Variants in SBF2 observed in about 807,000 individuals in gnomAD.
The protein encoded by SBF2 is SET binding factor 2, also known as myotubularin-related protein 13.
A neutral mutation model predicts 225.2 loss-of-function variants in SBF2; 112 were observed. The observed-to-expected ratio is 0.50, with a 90% CI of 0.43 to 0.58. SBF2 has a LOEUF of 0.58. Among genes scored for constraint, SBF2 ranks in the 20% least tolerant of loss-of-function variants. The pLI is 0.00. For missense variants in SBF2, 1,996 were observed against 2,206.2 expected (o/e 0.90, Z 1.91); for synonymous variants, 763 against 773.3 (o/e 0.99, Z 0.22).
At chr11:10,042,792 T>C in intron 3 of SBF2, 52 bp downstream of exon 3, 1 of 1,595,784 alleles carries the variant, frequency 6.3e-7, no homozygotes, top group Admixed American at 1.7e-5. Context: ...ATAAAAAACA[T>C]TCCTAAATGT....
intron 1 of SBF2, among the ~76,000 whole-genome samples, chr11:10,265,851 G>A (rs1961930431): frequency 6.9e-6 from 1 of 144,046 alleles, no homozygotes; most frequent in Admixed American, 7.3e-5. Context: ...CACCAGGCCA[G>A]GCTAATTGTG....
At chr11:10,290,020 G>C (rs1054140963) in intron 1 of SBF2, among the ~76,000 whole-genome samples, 4 of 152,174 alleles carry the variant, frequency 2.6e-5, no homozygotes, top group Admixed American at 1.3e-4. Context: ...ACCACCGCCC[G>C]CACCTCTTCG....
At chr11:10,003,368 TTTTC>T (rs1948054994) in intron 6 of SBF2, among the ~76,000 whole-genome samples, 1 of 124,388 alleles carries the variant, frequency 8.0e-6, no homozygotes, top group African/African-American at 2.7e-5. Flanking sequence ...TCTTTTTCTT[TTTTC>T]TTTTTTTTTT....
chr11:10,061,931 G>GACTTC (rs1950460306), intron 2 of SBF2, among the ~76,000 whole-genome samples: 1 of 152,180 alleles, frequency 6.6e-6, no homozygotes, highest in African/African-American at 2.4e-5. Flanking sequence ...CATGTTACCT[G>GACTTC]ACTTCAAACT....
At chr11:10,193,013 C>T (rs1214351006) in intron 2 of SBF2, among the ~76,000 whole-genome samples, 1 of 152,104 alleles carries the variant, frequency 6.6e-6, no homozygotes, top group Non-Finnish European at 1.5e-5. Context: ...AAATTATGTT[C>T]AACCAATAAA....
At chr11:9,851,502 C>T (rs546444906) in intron 21 of SBF2, among the ~76,000 whole-genome samples, 2 of 152,082 alleles carry the variant, frequency 1.3e-5, no homozygotes, top group Non-Finnish European at 2.9e-5. Context: ...TTACACAACT[C>T]AGGAAATTCT....
chr11:10,114,665 G>C (rs1452118449), intron 2 of SBF2, among the ~76,000 whole-genome samples: 2 of 152,172 alleles, frequency 1.3e-5, no homozygotes, highest in Non-Finnish European at 2.9e-5. Flanking sequence ...TCTAAGTATT[G>C]TCTGACCGCT....
chr11:10,187,330 G>A (rs1165132172), intron 2 of SBF2, among the ~76,000 whole-genome samples: 4 of 148,242 alleles, frequency 2.7e-5, no homozygotes, highest in South Asian at 2.2e-4. Context: ...CTCTCCCTGC[G>A]TCCCCTCTCC....
intron 2 of SBF2, among the ~76,000 whole-genome samples, chr11:10,090,783 A>AAAAAAAAAAAAACAAAAAAAC: frequency 6.6e-6 from 1 of 150,462 alleles, no homozygotes; most frequent in Non-Finnish European, 1.5e-5. Flanking sequence ...AAAAAAAAAA[A>AAAAAAAAAAAAACAAAAAAAC]AAGCTATTAG....
At chr11:9,799,414 G>A (rs1391771100) in intron 32 of SBF2, among the ~76,000 whole-genome samples, 1 of 152,202 alleles carries the variant, frequency 6.6e-6, no homozygotes, top group African/African-American at 2.4e-5. Context: ...TGCCACAGGA[G>A]CACCTGCAGT....
At chr11:9,972,350 A>T (rs1946502036) in intron 13 of SBF2, among the ~76,000 whole-genome samples, 1 of 152,144 alleles carries the variant, frequency 6.6e-6, no homozygotes, top group Non-Finnish European at 1.5e-5. Flanking sequence ...GTATTCTCTT[A>T]TTCTCTGCAT....
intron 6 of SBF2, among the ~76,000 whole-genome samples, chr11:10,008,108 G>A (rs1430977153): frequency 1.3e-5 from 2 of 152,168 alleles, no homozygotes; most frequent in Admixed American, 6.5e-5. Context: ...CAGTTCCTCC[G>A]GTTGACTCCA....
intron 1 of SBF2, among the ~76,000 whole-genome samples, chr11:10,265,857 TTGTGTG>T (rs10616720): frequency 1.3e-5 from 2 of 150,168 alleles, no homozygotes; most frequent in Admixed American, 1.3e-4. Flanking sequence ...GCCAGGCTAA[TTGTGTG>T]TGTGTGTGTG....
intron 2 of SBF2, among the ~76,000 whole-genome samples, chr11:10,110,648 T>A (rs992779686): frequency 6.6e-6 from 1 of 152,162 alleles, no homozygotes; most frequent in East Asian, 1.9e-4. Flanking sequence ...TTAAAAGCTA[T>A]AAATTTAATA....
chr11:10,016,092 T>C (rs576439637), intron 6 of SBF2, among the ~76,000 whole-genome samples: 20 of 151,622 alleles, frequency 1.3e-4, no homozygotes, highest in African/African-American at 4.6e-4. Context: ...CTTGCTCTTA[T>C]CTGAACACTC....
intron 38 of SBF2, chr11:9,782,972 A>C (rs554554044): frequency 6.6e-6 from 1 of 152,224 alleles, no homozygotes; most frequent in East Asian, 1.9e-4. Context: ...TCTAGTATAC[A>C]TGGCAAGAAA....
At chr11:10,280,164 G>GATTTCAGAGTGTTTCAC (rs1963306123) in intron 1 of SBF2, among the ~76,000 whole-genome samples, 1 of 152,138 alleles carries the variant, frequency 6.6e-6, no homozygotes. Context: ...AAAAGTTTCA[G>GATTTCAGAGTGTTTCAC]ATTTCAGAGT....
intron 2 of SBF2, among the ~76,000 whole-genome samples, chr11:10,050,906 G>T (rs980636316): frequency 2.6e-5 from 4 of 152,094 alleles, no homozygotes; most frequent in African/African-American, 9.7e-5. Flanking sequence ...GACCTCAGTT[G>T]ACCATGGGTA....
At chr11:9,798,444 T>G (rs1853268269) in intron 32 of SBF2, among the ~76,000 whole-genome samples, 1 of 152,120 alleles carries the variant, frequency 6.6e-6, no homozygotes, top group African/African-American at 2.4e-5. Flanking sequence ...AGGATGGAAC[T>G]TGGTTCCCTA....
Sources: gnomAD v4.1 joint callset for allele counts (sites outside exome capture counted in the v4.1 genomes callset) on GRCh38, gnomAD v4.1.1 for gene constraint, MANE v1.5 for transcripts, NCBI Gene and HGNC (gene_info 2026-07-23, HGNC 2026-07-21) for gene names.